Variants in LRBA observed in about 807,000 individuals in gnomAD.
LRBA encodes LPS responsive beige-like anchor protein.
Under a neutral mutation model 330.0 loss-of-function variants are expected in LRBA, and 176 were observed. The observed-to-expected ratio is 0.53, with a 90% CI of 0.47 to 0.60. The LOEUF (loss-of-function observed/expected upper bound fraction) is 0.60. Among genes scored for constraint, LRBA ranks in the 20% least tolerant of loss-of-function variants. The pLI, the probability that LRBA is intolerant of heterozygous loss-of-function variation, is 0.00. For synonymous variants in LRBA, 1,230 were observed against 1,193.0 expected (o/e 1.03, Z -0.64); for missense variants, 3,259 against 3,444.8 (o/e 0.95, Z 1.35).
In LRBA at chr4:150,857,604, T is replaced by A. The variant is rs183103222; in HGVS notation, c.2767-4661A>T. Among the ~76,000 whole-genome samples, 229 of 152,268 alleles carry A rather than the reference T, an allele frequency of 1.5e-3. 3 individuals are homozygous for A. The highest frequency in any genetic ancestry group is 5.1e-3 in the African/African-American group (212 of 41,566). The stretch of plus-strand genomic sequence containing the variant: ...GACTCCTTCCTCTGGAAATTCCACT[T>A]ACAGGAATTTATCCTACAAAATAAG... On this transcript the variant is annotated intron_variant, in intron 22 of 56. Transcript: ENST00000651943.
intron 36 of LRBA, among the ~76,000 whole-genome samples, chr4:150,732,984 A>G (rs1730660842): frequency 6.6e-6 from 1 of 152,060 alleles, no homozygotes; most frequent in African/African-American, 2.4e-5. Context: ...AAATTGTAGG[A>G]CTACATTAAA....
intron 42 of LRBA, among the ~76,000 whole-genome samples, chr4:150,486,707 T>C (rs1757915282): frequency 6.6e-6 from 1 of 151,826 alleles, no homozygotes; most frequent in Non-Finnish European, 1.5e-5. Flanking sequence ...TGTTACTAAC[T>C]ATAGTCACTA....
rs565708894 is a variant in LRBA, at chr4:150,387,183, AT to A, written c.7194+28254del. 2.0e-5 allele frequency among the ~76,000 whole-genome samples: 3 copies of A among 151,566 alleles called. 1 individual carries two copies. In the South Asian group the frequency reaches 6.2e-4, roughly 32 times the overall value. On this transcript the variant is annotated intron_variant, in intron 47 of 56. Transcript: ENST00000651943. The stretch of plus-strand genomic sequence containing the variant: ...TTTGTCAGATGGATAGATTGCAAAA[AT>A]TTTCCCCCATTCCATAGGTTGTCTG...
At chr4:150,668,085 TA>T (rs1781723901) in intron 37 of LRBA, among the ~76,000 whole-genome samples, 2 of 152,300 alleles carry the variant, frequency 1.3e-5, no homozygotes, top group Admixed American at 6.5e-5. Flanking sequence ...TGGCCTACAG[TA>T]AAAGTTCCTG....
At chr4:150,283,409 A>T (rs1747783729) in intron 54 of LRBA, among the ~76,000 whole-genome samples, 1 of 152,170 alleles carries the variant, frequency 6.6e-6, no homozygotes, top group Admixed American at 6.5e-5. Context: ...GCTGCATGCA[A>T]GGCAAAGAAG....
rs140411484 is a variant in LRBA at position 150,435,556 on chromosome 4, C to T, written c.7041+33G>A. ...ATTCACTCAACAAGTAATGCACTGGCAATAACAACTATAAAACAAAACATT... is the reference window on the plus strand; with the variant it reads ...ATTCACTCAACAAGTAATGCACTGGTAATAACAACTATAAAACAAAACATT... On this transcript the variant is annotated intron_variant, in intron 46 of 56. Transcript: ENST00000651943. 8,830 of 1,587,746 alleles carry T rather than the reference C, an allele frequency of 5.6e-3. 50 individuals carry two copies. Among genetic ancestry groups the T allele is most frequent in the Non-Finnish European group, 6.4e-3 (7,462 of 1,170,098 alleles).
intron 2 of LRBA, among the ~76,000 whole-genome samples, chr4:150,965,445 T>C (rs1401778848): frequency 6.6e-6 from 1 of 152,226 alleles, no homozygotes; most frequent in Non-Finnish European, 1.5e-5. Context: ...CATTAGTTTA[T>C]AAAAGCCTAA....
intron 37 of LRBA, among the ~76,000 whole-genome samples, chr4:150,674,924 T>C (rs754871916): frequency 3.3e-5 from 5 of 151,562 alleles, no homozygotes; most frequent in Non-Finnish European, 2.9e-5. Context: ...CAACTACTAA[T>C]ATTAAGAAGT....
At chr4:150,673,814 A>G (rs1018062022) in intron 37 of LRBA, among the ~76,000 whole-genome samples, 54 of 152,240 alleles carry the variant, frequency 3.5e-4, no homozygotes, top group African/African-American at 1.3e-3. Context: ...ATCATGTATC[A>G]CTTTCATACT....
chr4:150,445,408 T>TAC (rs1561188860), intron 44 of LRBA, among the ~76,000 whole-genome samples: 16 of 131,962 alleles, frequency 1.2e-4, no homozygotes, highest in African/African-American at 4.7e-4. Context: ...TATATATATA[T>TAC]ATACATATAT....
rs567337778 is a variant in LRBA, at chr4:150,954,655, G to A, written c.217-25590C>T. Among the ~76,000 whole-genome samples the A allele has an allele frequency of 2.8e-3, 419 of 150,004 alleles. 3 individuals are homozygous for A. Among genetic ancestry groups the A allele is most frequent in the African/African-American group, 0.01 (408 of 39,664 alleles). ...GAAGGCGGCAGGGCCCTCTGCCTAG[G>A]AAAACCAGAGACCTTTGTTCACATG... On this transcript the variant is annotated intron_variant, in intron 2 of 56. Transcript: ENST00000651943.
chr4:150,432,365 T>C (rs1750505267), intron 46 of LRBA, among the ~76,000 whole-genome samples: 1 of 113,646 alleles, frequency 8.8e-6, no homozygotes, highest in Admixed American at 1.0e-4. Context: ...TTGACAATTA[T>C]AACTAATAAT....
intron 2 of LRBA, among the ~76,000 whole-genome samples, chr4:150,979,785 A>G (rs1405665153): frequency 6.6e-6 from 1 of 152,230 alleles, no homozygotes; most frequent in Non-Finnish European, 1.5e-5. Flanking sequence ...GAAGAAATCC[A>G]AAGTCTAAAC....
At chr4:150,384,654 A>G (rs997853860) in intron 47 of LRBA, among the ~76,000 whole-genome samples, 4 of 152,160 alleles carry the variant, frequency 2.6e-5, no homozygotes, top group Admixed American at 1.3e-4. Context: ...TACAGACCTA[A>G]TTGTGGAGGT....
In LRBA at chr4:150,683,422, T is replaced by G. The variant is rs565555275; in HGVS notation, c.5921+129A>C. On this transcript the variant is annotated intron_variant, in intron 37 of 56. Transcript: ENST00000651943. ...CTCCTTCCCTTTGGCTTTAAATTCATAGAGATGATGAAAGACAAAATTAAA... is the reference window on the plus strand; with the variant it reads ...CTCCTTCCCTTTGGCTTTAAATTCAGAGAGATGATGAAAGACAAAATTAAA... The G allele has an allele frequency of 4.1e-6, 3 of 739,640 alleles. No individual in the cohort carries two copies. The East Asian group carries it at 7.4e-5, about 18-fold the overall frequency. 45.8% of individuals were successfully genotyped at this position (739,640 alleles called of 1,614,324 possible). A position where few individuals can be genotyped will look rare whatever the true frequency, so the allele number is the denominator to read the frequency against.
At chr4:150,638,853 G>GTA (rs1323947667) in intron 37 of LRBA, among the ~76,000 whole-genome samples, 6 of 107,366 alleles carry the variant, frequency 5.6e-5, no homozygotes, top group Admixed American at 2.2e-4. Context: ...CCATTACTGG[G>GTA]TATATACCCA....
chr4:150,280,757 C>G (rs752624822), intron 55 of LRBA, among the ~76,000 whole-genome samples: 2 of 152,160 alleles, frequency 1.3e-5, no homozygotes, highest in Non-Finnish European at 2.9e-5. Context: ...GGAGATTCTG[C>G]CCTGTGGTGT....
intron 47 of LRBA, among the ~76,000 whole-genome samples, chr4:150,364,413 G>A (rs922711231): frequency 2.0e-5 from 3 of 152,202 alleles, no homozygotes; most frequent in Non-Finnish European, 4.4e-5. Flanking sequence ...TAAGCAAATT[G>A]TCTGATGTCA....
chr4:150,908,837 T>C lies in LRBA; in HGVS notation c.1182A>G (p.Ala394=). The part of the protein sequence containing the change: ...LGYKGTFKFK[A]ESDLFLAEHH... ...GCTCAGCAAGGAAAAGGTCGCTTTCTGCTTTGAATTTAAATGTACCCTAAG... is the reference window on the plus strand; with the variant it reads ...GCTCAGCAAGGAAAAGGTCGCTTTCCGCTTTGAATTTAAATGTACCCTAAG... Residue 394 remains alanine, a synonymous_variant, in exon 10 of 57, where the codon GCA becomes GCG. Transcript: ENST00000651943. The C allele has an allele frequency of 1.2e-6, 2 of 1,612,726 alleles. No homozygotes were observed. The highest frequency in any genetic ancestry group is 1.7e-6 in the Non-Finnish European group (2 of 1,179,218).
Sources: gnomAD v4.1 joint callset for allele counts (sites outside exome capture counted in the v4.1 genomes callset) on GRCh38, gnomAD v4.1.1 for gene constraint, MANE v1.5 for transcripts, NCBI Gene and HGNC (gene_info 2026-07-23, HGNC 2026-07-21) for gene names.